WBP11: variants seen among roughly 807,000 people sequenced by gnomAD.
The protein encoded by WBP11 is WW domain-binding protein 11.
A neutral mutation model predicts 66.7 loss-of-function variants in WBP11; 12 were observed. The ratio of observed to expected loss-of-function variants is 0.18; its 90% CI spans 0.12 to 0.29. The LOEUF (loss-of-function observed/expected upper bound fraction) is 0.29. WBP11 is among the 10% of genes least tolerant of loss of function. The pLI, the probability that WBP11 is intolerant of heterozygous loss-of-function variation, is 1.00. For missense variants in WBP11, 555 were observed against 818.3 expected (o/e 0.68, Z 3.93); for synonymous variants, 255 against 273.8 (o/e 0.93, Z 0.68).
At chr12:14,795,228 A>C (rs1391750999) in intron 5 of WBP11, 124 bp from the exon 6 acceptor site, 1 of 1,061,174 alleles carries the variant, frequency 9.4e-7, no homozygotes, top group South Asian at 2.0e-5. Flanking sequence ...ATCACCAAAA[A>C]CCCCCAGAAA....
intron 8 of WBP11, among the ~76,000 whole-genome samples, chr12:14,792,002 G>A (rs765838842): frequency 2.0e-5 from 3 of 152,100 alleles, no homozygotes; most frequent in Non-Finnish European, 4.4e-5. Flanking sequence ...GGAGGGGAGT[G>A]AAGGAAAGGA....
rs1175067076 is a variant in WBP11 at position 14,785,817 on chromosome 12, C to T, written c.*1248G>A. 2 of 152,160 alleles carry T rather than the reference C, an allele frequency of 1.3e-5. No individual in the cohort carries two copies. The highest frequency in any genetic ancestry group is 2.9e-5 in the Non-Finnish European group (2 of 68,024). The allele number at this position is 152,160 out of a possible 1,614,324, so 9.4% of individuals were successfully genotyped here. A position where few individuals can be genotyped will look rare whatever the true frequency, so the allele number is the denominator to read the frequency against. ...TGTGTGTATGTGTTTATGAAATACA[C>T]ACTTTGGATCACTGGATAAATCACG... On this transcript the variant is annotated 3_prime_UTR_variant, in exon 12 of 12. Transcript: ENST00000261167.
Position 14,801,471 on chromosome 12 carries a change from G to A in WBP11, c.-45-43C>T. The A allele has an allele frequency of 2.3e-6, 3 of 1,309,138 alleles. No individual in the cohort carries two copies. The East Asian group carries it at 7.0e-5, about 31-fold the overall frequency. The allele number at this position is 1,309,138 out of a possible 1,614,324, so 81.1% of individuals were successfully genotyped here. On this transcript the variant is annotated intron_variant, in intron 1 of 11. Coordinates refer to ENST00000261167, the MANE Select transcript of WBP11 (RefSeq NM_016312.3). ...AAGAAATAGCTTATATCTCCTAAAT[G>A]TATTTCTTCCTTTTTCTAGTCCCTA...
In WBP11 at chr12:14,786,125, T is replaced by C. The variant is rs1949751456; in HGVS notation, c.*940A>G. On this transcript the variant is annotated 3_prime_UTR_variant, in exon 12 of 12. Transcript: ENST00000261167. Reference sequence around the variant, plus strand: ...AAAAGCTAACCTCTTCTGATTCTTTTATAGCTTAAAAATGGTTTAAAATGA... The same window carrying C: ...AAAAGCTAACCTCTTCTGATTCTTTCATAGCTTAAAAATGGTTTAAAATGA... 1 of 152,216 alleles carries C rather than the reference T, an allele frequency of 6.6e-6. No homozygotes were observed. The highest frequency in any genetic ancestry group is 2.4e-5 in the African/African-American group (1 of 41,454). 9.4% of individuals were successfully genotyped at this position (152,216 alleles called of 1,614,324 possible). A position where few individuals can be genotyped will look rare whatever the true frequency, so the allele number is the denominator to read the frequency against.
chr12:14,785,470 T>C lies in WBP11; in HGVS notation c.*1595A>G, dbSNP rs1949743146. On this transcript the variant is annotated 3_prime_UTR_variant, in exon 12 of 12. Transcript: ENST00000261167. ...GGATTGATAACATAAGGTTCAATCC[T>C]TACATCTGAACAGACTCAATTCACC... 2 of 152,184 alleles carry C rather than the reference T, an allele frequency of 1.3e-5. No individual in the cohort carries two copies. Among genetic ancestry groups the C allele is most frequent in the South Asian group, 4.1e-4 (2 of 4,828 alleles). The allele number at this position is 152,184 out of a possible 1,614,324, so 9.4% of individuals were successfully genotyped here. A position where few individuals can be genotyped will look rare whatever the true frequency, so the allele number is the denominator to read the frequency against.
chr12:14,797,440 G>C (rs978358549), intron 4 of WBP11, among the ~76,000 whole-genome samples: 1 of 152,158 alleles, frequency 6.6e-6, no homozygotes, highest in African/African-American at 2.4e-5. Flanking sequence ...GATACAATGG[G>C]ATTACAAATA....
Position 14,801,393 on chromosome 12 carries a change from T to A in WBP11, c.-10A>T. 6.2e-7 allele frequency: 1 copy of A among 1,612,624 alleles called. No homozygotes were observed. The highest frequency in any genetic ancestry group is 8.5e-7 in the Non-Finnish European group (1 of 1,179,486). On this transcript the variant is annotated 5_prime_UTR_variant, in exon 2 of 12. Transcript: ENST00000261167. Reference sequence around the variant, plus strand: ...TAGATCTCCGTCCCATGTTGACAATTTGTATGGTTTACTTGTTCATTAAAA... The same window carrying A: ...TAGATCTCCGTCCCATGTTGACAATATGTATGGTTTACTTGTTCATTAAAA...
intron 8 of WBP11, among the ~76,000 whole-genome samples, chr12:14,793,347 C>T (rs1949845353): frequency 6.6e-6 from 1 of 152,038 alleles, no homozygotes; most frequent in African/African-American, 2.4e-5. Context: ...ATGTAAGATA[C>T]CATAAAAGGG....
intron 10 of WBP11, among the ~76,000 whole-genome samples, chr12:14,789,787 G>A (rs1356681694): frequency 2.0e-5 from 3 of 152,126 alleles, no homozygotes; most frequent in Non-Finnish European, 4.4e-5. Context: ...AGGACCCCTT[G>A]AAACTCATGA....
chr12:14,800,690 C>A, intron 3 of WBP11, 62 bp downstream of exon 3: 2 of 1,426,872 alleles, frequency 1.4e-6, no homozygotes, highest in African/African-American at 1.4e-5. Flanking sequence ...ACCCACTAAT[C>A]CCAAATCACA....
rs1266626334 is a variant in WBP11 at position 14,791,240 on chromosome 12, C to A, written c.944G>T (p.Gly315Val). The A allele has an allele frequency of 2.5e-6, 4 of 1,614,028 alleles. No individual in the cohort carries two copies. Among genetic ancestry groups the A allele is most frequent in the Non-Finnish European group, 3.4e-6 (4 of 1,179,996 alleles). ...GLSVRFADMP[G>V]KSRKKKKNMK... The stretch of plus-strand genomic sequence containing the variant: ...GTTCTTCTTTTTCTTCCTTGATTTT[C>A]CAGGCATATCTGCAAACCGTACACT... Residue 315 changes from glycine (G) to valine (V), a missense_variant, in exon 9 of 12, where the codon GGA (glycine) becomes GTA (valine). Around this residue, in one of 6 missense-constraint regions of WBP11, gnomAD observed 220 missense variants for 268.2 expected, o/e 0.82. Coordinates refer to ENST00000261167, the MANE Select transcript of WBP11 (RefSeq NM_016312.3).
chr12:14,793,152 A>G (rs1331572104), intron 8 of WBP11, among the ~76,000 whole-genome samples: 1 of 152,204 alleles, frequency 6.6e-6, no homozygotes, highest in Non-Finnish European at 1.5e-5. Context: ...AGAAGCTCCA[A>G]AATTGCTGAG....
At chr12:14,793,366 G>A (rs1028549203) in intron 8 of WBP11, among the ~76,000 whole-genome samples, 2 of 152,118 alleles carry the variant, frequency 1.3e-5, no homozygotes, top group African/African-American at 4.8e-5. Flanking sequence ...GGCTTCAAAG[G>A]TAGATATTTA....
Position 14,786,901 on chromosome 12 carries a change from A to G in WBP11, c.*164T>C, listed in dbSNP as rs1949760248. 2 of 706,484 alleles carry G rather than the reference A, an allele frequency of 2.8e-6. No individual in the cohort carries two copies. Among genetic ancestry groups the G allele is most frequent in the Non-Finnish European group, 4.6e-6 (2 of 437,340 alleles). 43.8% of individuals were successfully genotyped at this position (706,484 alleles called of 1,614,324 possible). A position where few individuals can be genotyped will look rare whatever the true frequency, so the allele number is the denominator to read the frequency against. On this transcript the variant is annotated 3_prime_UTR_variant, in exon 12 of 12. Coordinates refer to ENST00000261167, the MANE Select transcript of WBP11 (RefSeq NM_016312.3). ...TATTCTGGATGAAATACCCTTTTTT[A>G]TGTGCAGTAAATTCTGAACAAGGCT... is the stretch of plus-strand genomic sequence containing the variant.
chr12:14,799,204 T>C (rs766138120), intron 4 of WBP11, among the ~76,000 whole-genome samples: 2 of 152,200 alleles, frequency 1.3e-5, no homozygotes, highest in Non-Finnish European at 2.9e-5. Flanking sequence ...ACTAAATGGA[T>C]AAGTATCTTT....
chr12:14,785,769 G>A lies in WBP11; in HGVS notation c.*1296C>T, dbSNP rs971758428. The A allele has an allele frequency of 5.9e-5, 9 of 152,160 alleles. No homozygotes were observed. The highest frequency in any genetic ancestry group is 1.9e-4 in the African/African-American group (8 of 41,448). 9.4% of individuals were successfully genotyped at this position (152,160 alleles called of 1,614,324 possible). A position where few individuals can be genotyped will look rare whatever the true frequency, so the allele number is the denominator to read the frequency against. On this transcript the variant is annotated 3_prime_UTR_variant, in exon 12 of 12. Coordinates refer to ENST00000261167, the MANE Select transcript of WBP11 (RefSeq NM_016312.3). ...CATTTGAGATACTGTGGAAAGTAAC[G>A]TATGCCTAAACAATGCACGCACTGT...
At chr12:14,798,476 C>T (rs906376764) in intron 4 of WBP11, among the ~76,000 whole-genome samples, 3 of 152,160 alleles carry the variant, frequency 2.0e-5, no homozygotes, top group African/African-American at 7.2e-5. Flanking sequence ...CATTTGGGGT[C>T]ATTTAAAGAA....
intron 11 of WBP11, among the ~76,000 whole-genome samples, chr12:14,788,359 G>A (rs1949779656): frequency 6.6e-6 from 1 of 152,082 alleles, no homozygotes; most frequent in South Asian, 2.1e-4. Context: ...CATATACCAA[G>A]AACTGCAGAT....
At chr12:14,803,059 G>A (rs753263764) in intron 1 of WBP11, among the ~76,000 whole-genome samples, 4 of 152,198 alleles carry the variant, frequency 2.6e-5, no homozygotes, top group East Asian at 3.8e-4. Flanking sequence ...AGCAACTGAC[G>A]AAACCATAGC....
Sources: gnomAD v4.1 joint callset for allele counts (sites outside exome capture counted in the v4.1 genomes callset) on GRCh38, gnomAD v4.1.1 for gene constraint, gnomAD v4.1.1 regional missense constraint, MANE v1.5 for transcripts, NCBI Gene and HGNC (gene_info 2026-07-23, HGNC 2026-07-21) for gene names.